The following UPRT variants were observed in gnomAD, a reference collection of about 807,000 sequenced individuals.
The protein encoded by UPRT is uracil phosphoribosyltransferase homolog.
A neutral mutation model predicts 22.6 loss-of-function variants in UPRT; 5 were observed. The observed-to-expected ratio is 0.22, with a 90% CI of 0.12 to 0.47. UPRT has a LOEUF of 0.47. Among genes scored for constraint, UPRT ranks in the 20% least tolerant of loss-of-function variants. The probability of loss-of-function intolerance (pLI) is 0.99; values close to 1 mark genes in which losing one functional copy is unlikely to be tolerated. For synonymous variants in UPRT, 77 were observed against 87.7 expected (o/e 0.88, Z 0.68); for missense variants, 181 against 239.9 (o/e 0.75, Z 1.62).
intron 4 of UPRT, among the ~76,000 whole-genome samples, chrX:75,219,632 A>T (rs1454902605): frequency 9.0e-6 from 1 of 111,711 alleles, no homozygotes; most frequent in Admixed American, 9.5e-5. Context: ...TGAACAGGAA[A>T]GCAAAAAACA....
intron 4 of UPRT, among the ~76,000 whole-genome samples, chrX:75,177,508 C>A (rs753490355): frequency 9.0e-6 from 1 of 110,892 alleles, no homozygotes; most frequent in Admixed American, 9.5e-5. Flanking sequence ...GAGTCCTAAG[C>A]ATTCTCCTGT....
chrX:75,230,265 C>G (rs1212427107), intron 4 of UPRT, among the ~76,000 whole-genome samples: 1 of 111,609 alleles, frequency 9.0e-6, no homozygotes, highest in Non-Finnish European at 1.9e-5. Context: ...GCAAGCTCCA[C>G]TCAGGGAGAG....
upstream of UPRT, among the ~76,000 whole-genome samples, chrX:75,272,768 C>T (rs1375261950): frequency 9.1e-6 from 1 of 110,229 alleles, no homozygotes; most frequent in Non-Finnish European, 1.9e-5. Flanking sequence ...TCTGTATAGG[C>T]ATGTTAAAAA....
At chrX:75,293,367 CT>C in intron 1 of UPRT, 104 bp from the exon 2 acceptor site, 1 of 759,917 alleles carries the variant, frequency 1.3e-6, no homozygotes, top group Non-Finnish European at 1.9e-6. Context: ...AGCATTTAAG[CT>C]TTTAGTATGT....
chrX:75,254,352 A>G (rs1168245322), intron 4 of UPRT, among the ~76,000 whole-genome samples: 1 of 112,397 alleles, frequency 8.9e-6, no homozygotes, highest in Non-Finnish European at 1.9e-5. Context: ...AAACTTCAGG[A>G]AACAATGAAC....
At chrX:75,268,498 G>C in intron 4 of UPRT, among the ~76,000 whole-genome samples, 1 of 111,371 alleles carries the variant, frequency 9.0e-6, no homozygotes, top group Middle Eastern at 4.6e-3. Context: ...ACATCAAGGT[G>C]AAAATCCTCA....
chrX:75,160,771 C>T (rs1602431895), intron 2 of UPRT, among the ~76,000 whole-genome samples: 1 of 112,200 alleles, frequency 8.9e-6, no homozygotes, highest in South Asian at 3.7e-4. Context: ...TCAAGTGATC[C>T]TCTTGCCTCA....
intron 4 of UPRT, among the ~76,000 whole-genome samples, chrX:75,254,920 C>T (rs954742078): frequency 8.2e-5 from 9 of 110,030 alleles, no homozygotes; most frequent in East Asian, 2.9e-4. Context: ...GGACTACAGG[C>T]GCCCGCCACC....
chrX:75,229,229 T>C lies in UPRT; in HGVS notation c.-447+61350T>C, dbSNP rs1332204301. On this transcript the variant is annotated intron_variant, in intron 4 of 13. Transcript: ENST00000652605. ...GTATTAATTAGCTTTATTGTGGTAA[T>C]CATATCATATTGGATATGTATGTCA... Among the ~76,000 whole-genome samples the C allele has an allele frequency of 7.1e-5, 8 of 112,117 alleles. No homozygotes were observed. In the Admixed American group the frequency reaches 7.6e-4, roughly 11 times the overall value.
intron 4 of UPRT, among the ~76,000 whole-genome samples, chrX:75,255,914 T>C (rs761669519): frequency 9.0e-6 from 1 of 111,338 alleles, no homozygotes; most frequent in Non-Finnish European, 1.9e-5. Context: ...ACAATAATAG[T>C]GGGGGACTTC....
intron 4 of UPRT, among the ~76,000 whole-genome samples, chrX:75,189,561 T>C (rs1302167608): frequency 8.9e-6 from 1 of 111,921 alleles, no homozygotes; most frequent in Non-Finnish European, 1.9e-5. Flanking sequence ...CCCGTTGAAC[T>C]GTCTAATGTT....
intron 4 of UPRT, among the ~76,000 whole-genome samples, chrX:75,172,776 T>C (rs1408395347): frequency 9.0e-6 from 1 of 110,590 alleles, no homozygotes; most frequent in Non-Finnish European, 1.9e-5. Context: ...AGTTGTTTTT[T>C]CCTCCCGGTG....
At chrX:75,233,572 A>T (rs905933767) in intron 4 of UPRT, among the ~76,000 whole-genome samples, 1 of 111,208 alleles carries the variant, frequency 9.0e-6, no homozygotes, top group Non-Finnish European at 1.9e-5. Context: ...AGACCATCAG[A>T]CTAACAGCGG....
At chrX:75,227,213 G>T (rs1283595492) in intron 4 of UPRT, among the ~76,000 whole-genome samples, 2 of 111,510 alleles carry the variant, frequency 1.8e-5, no homozygotes, top group Non-Finnish European at 3.8e-5. Flanking sequence ...CAAACTGGTG[G>T]TTTTCTAATC....
chrX:75,209,111 G>T (rs5981809), intron 4 of UPRT, among the ~76,000 whole-genome samples: 3,538 of 111,557 alleles, frequency 0.032, 148 homozygotes, highest in African/African-American at 0.11. Flanking sequence ...GTCTATTTGT[G>T]CCTAGAGGGG....
At chrX:75,181,134 T>C (rs1055871946) in intron 4 of UPRT, among the ~76,000 whole-genome samples, 1 of 111,031 alleles carries the variant, frequency 9.0e-6, no homozygotes, top group African/African-American at 3.3e-5. Flanking sequence ...TGCTTGTTTT[T>C]GCTGATTTTG....
intron 1 of UPRT, chrX:75,291,337 T>G (rs1435637638): frequency 1.0e-5 from 3 of 299,048 alleles, no homozygotes; most frequent in African/African-American, 2.8e-5. Flanking sequence ...TAATTTTACA[T>G]TAGACTTTAT....
chrX:75,227,552 A>C lies in UPRT; in HGVS notation c.-447+59673A>C, dbSNP rs765153137. On this transcript the variant is annotated intron_variant, in intron 4 of 13. Coordinates refer to the UPRT transcript ENST00000652605. ...AAAACTTGCCGAAGTTCCTGAATATAGCTAATGGAAGGAATCAAAATCCTT... is the reference window on the plus strand; with the variant it reads ...AAAACTTGCCGAAGTTCCTGAATATCGCTAATGGAAGGAATCAAAATCCTT... 5.3e-4 allele frequency among the ~76,000 whole-genome samples: 59 copies of C among 112,300 alleles called. 1 individual carries two copies. Among genetic ancestry groups the C allele is most frequent in the African/African-American group, 1.8e-3 (55 of 30,952 alleles).
intron 4 of UPRT, among the ~76,000 whole-genome samples, chrX:75,172,944 C>T (rs374280566): frequency 1.8e-3 from 199 of 111,109 alleles, no homozygotes; most frequent in African/African-American, 6.3e-3. Flanking sequence ...GGGACCTGAG[C>T]GGGTTGCACT....
Sources: gnomAD v4.1 joint callset for allele counts (sites outside exome capture counted in the v4.1 genomes callset) on GRCh38, gnomAD v4.1.1 for gene constraint, MANE v1.5 for transcripts, NCBI Gene and HGNC (gene_info 2026-07-23, HGNC 2026-07-21) for gene names.